Variants in CHST9 observed in about 807,000 individuals in gnomAD.
CHST9 encodes GalNAc-4-sulfotransferase 2.
CHST9 carries 41 observed loss-of-function variants against 44.4 expected under a neutral mutation model. The ratio of observed to expected loss-of-function variants is 0.92; its 90% CI spans 0.72 to 1.20. The LOEUF (loss-of-function observed/expected upper bound fraction) is 1.20. CHST9 is among the 50% of genes most tolerant of loss of function. The pLI is 0.00. For synonymous variants in CHST9, 171 were observed against 178.4 expected (o/e 0.96, Z 0.33); for missense variants, 504 against 516.5 (o/e 0.98, Z 0.23).
At chr18:26,961,351 T>C (rs2056397092) in intron 4 of CHST9, among the ~76,000 whole-genome samples, 1 of 152,244 alleles carries the variant, frequency 6.6e-6, no homozygotes, top group Non-Finnish European at 1.5e-5. Context: ...AGAGGAGATA[T>C]ACTTTAGCAC....
chr18:27,139,848 CAAGTT>C (rs779342851), intron 2 of CHST9, among the ~76,000 whole-genome samples: 5 of 152,126 alleles, frequency 3.3e-5, no homozygotes, highest in Non-Finnish European at 5.9e-5. Context: ...ATTATGAACT[CAAGTT>C]AAGATTTAAT....
At chr18:26,961,985 C>G (rs1472134307) in intron 4 of CHST9, among the ~76,000 whole-genome samples, 1 of 152,154 alleles carries the variant, frequency 6.6e-6, no homozygotes, top group Non-Finnish European at 1.5e-5. Context: ...TCCTCTCAGT[C>G]TGGCAGGGAG....
At chr18:26,986,930 A>T (rs1010121893) in intron 4 of CHST9, among the ~76,000 whole-genome samples, 2 of 152,230 alleles carry the variant, frequency 1.3e-5, no homozygotes, top group African/African-American at 2.4e-5. Context: ...TTTAGGCAGA[A>T]GGAAATTGAT....
At chr18:26,936,686 TACTC>T (rs1285269109) in intron 5 of CHST9, 2 of 152,144 alleles carry the variant, frequency 1.3e-5, no homozygotes, top group Admixed American at 6.6e-5. Flanking sequence ...ACATTTCAGT[TACTC>T]AGTTCATCTT....
intron 3 of CHST9, among the ~76,000 whole-genome samples, chr18:27,028,824 A>T (rs956281745): frequency 6.6e-6 from 1 of 152,312 alleles, no homozygotes; most frequent in African/African-American, 2.4e-5. Context: ...CTGGGATTAC[A>T]GGCGCGAGCC....
At chr18:27,167,416 C>T (rs182672605) in intron 1 of CHST9, among the ~76,000 whole-genome samples, 1 of 152,288 alleles carries the variant, frequency 6.6e-6, no homozygotes, top group African/African-American at 2.4e-5. Flanking sequence ...TGTTTTTGCT[C>T]TCCACTACAT....
intron 2 of CHST9, among the ~76,000 whole-genome samples, chr18:27,071,445 C>T (rs1463261618): frequency 1.3e-5 from 2 of 152,166 alleles, no homozygotes; most frequent in Non-Finnish European, 2.9e-5. Context: ...TGTTCTAACT[C>T]ATTAGATAAT....
intron 1 of CHST9, among the ~76,000 whole-genome samples, chr18:27,169,602 T>C (rs887832407): frequency 3.5e-3 from 473 of 134,062 alleles, no homozygotes; most frequent in Non-Finnish European, 4.8e-3. Context: ...ATTCTTCTTT[T>C]TTTTTTTTTT....
intron 1 of CHST9, among the ~76,000 whole-genome samples, chr18:27,168,938 A>T (rs1329857817): frequency 6.6e-6 from 1 of 152,186 alleles, no homozygotes; most frequent in Non-Finnish European, 1.5e-5. Context: ...GTTAGAAATG[A>T]TCTCCTGCTG....
chr18:26,920,173 A>G (rs954072777), intron 5 of CHST9, among the ~76,000 whole-genome samples: 1 of 152,144 alleles, frequency 6.6e-6, no homozygotes, highest in African/African-American at 2.4e-5. Flanking sequence ...TCTCCACTTC[A>G]CATCAAACTT....
intron 4 of CHST9, among the ~76,000 whole-genome samples, chr18:26,995,351 T>C (rs959166932): frequency 1.4e-5 from 2 of 143,406 alleles, no homozygotes; most frequent in African/African-American, 5.3e-5. Context: ...TGCAGGAGAA[T>C]GGCATGAACC....
At chr18:27,154,445 C>T (rs1232897246) in intron 1 of CHST9, among the ~76,000 whole-genome samples, 1 of 151,640 alleles carries the variant, frequency 6.6e-6, no homozygotes, top group Admixed American at 6.6e-5. Context: ...GTTCTGTGGA[C>T]AAGAAGAATG....
intron 1 of CHST9, among the ~76,000 whole-genome samples, chr18:27,166,009 G>T (rs1163016525): frequency 6.6e-6 from 1 of 152,094 alleles, no homozygotes; most frequent in Non-Finnish European, 1.5e-5. Context: ...ATTTTGAAAG[G>T]CTTCACAATC....
At chr18:26,972,329 C>T (rs1163795618) in intron 4 of CHST9, among the ~76,000 whole-genome samples, 2 of 137,820 alleles carry the variant, frequency 1.5e-5, no homozygotes, top group Non-Finnish European at 3.0e-5. Context: ...TGCACTCCAG[C>T]CCAGGTGACA....
At chr18:27,173,313 G>C (rs1223166979) in intron 1 of CHST9, among the ~76,000 whole-genome samples, 1 of 151,944 alleles carries the variant, frequency 6.6e-6, no homozygotes, top group Non-Finnish European at 1.5e-5. Flanking sequence ...AATCACACAG[G>C]ATTCTAAATG....
intron 4 of CHST9, among the ~76,000 whole-genome samples, chr18:26,978,570 T>G (rs1032570486): frequency 3.9e-5 from 6 of 152,132 alleles, no homozygotes; most frequent in Admixed American, 1.3e-4. Flanking sequence ...AAGACAGAAG[T>G]GTCTATCATG....
chr18:27,137,291 G>T lies in CHST9; in HGVS notation c.121+5398C>A, dbSNP rs1367210213. On this transcript the variant is annotated intron_variant, in intron 2 of 5. Transcript: ENST00000618847. Reference sequence around the variant, plus strand: ...CATAATTATATAATCTGTATATATTGATTTATTTATATATGTGTGTGTGTG... The same window carrying T: ...CATAATTATATAATCTGTATATATTTATTTATTTATATATGTGTGTGTGTG... Among the ~76,000 whole-genome samples the T allele has an allele frequency of 9.1e-5, 7 of 77,020 alleles. No homozygotes were observed. The East Asian group carries it at 1.6e-3, about 17-fold the overall frequency. 50.5% of individuals were successfully genotyped at this position (77,020 alleles called of 152,430 possible).
chr18:27,126,090 C>T (rs28374128), intron 2 of CHST9, among the ~76,000 whole-genome samples: 1,605 of 152,274 alleles, frequency 0.011, 23 homozygotes, highest in African/African-American at 0.033. Flanking sequence ...AAGCATGTTG[C>T]TCTGACAGAG....
intron 2 of CHST9, among the ~76,000 whole-genome samples, chr18:27,074,451 C>A (rs2057877081): frequency 6.6e-6 from 1 of 151,992 alleles, no homozygotes; most frequent in African/African-American, 2.4e-5. Flanking sequence ...TAAAAAATAG[C>A]CTAGGGGTAA....
Sources: allele counts gnomAD v4.1 joint callset (sites outside exome capture counted in the v4.1 genomes callset), GRCh38; gene constraint gnomAD v4.1.1; transcripts MANE v1.5; gene names NCBI Gene and HGNC (gene_info 2026-07-23, HGNC 2026-07-21).